NAA25: variants seen among roughly 807,000 people sequenced by gnomAD.
NAA25 encodes N-terminal acetyltransferase B complex subunit NAA25.
A neutral mutation model predicts 132.5 loss-of-function variants in NAA25; 30 were observed. The ratio of observed to expected loss-of-function variants is 0.23; its 90% confidence interval spans 0.17 to 0.31. NAA25 has a LOEUF of 0.31. NAA25 is among the 10% of genes least tolerant of loss of function. NAA25 has a pLI of 1.00. For synonymous variants in NAA25, 359 were observed against 401.9 expected (o/e 0.89, Z 1.28); for missense variants, 771 against 1,150.4 (o/e 0.67, Z 4.77).
At chr12:112,047,561 C>G (rs2078406401) in intron 17 of NAA25, 104 bp downstream of exon 17, 6 of 1,360,152 alleles carry the variant, frequency 4.4e-6, no homozygotes, top group Non-Finnish European at 6.0e-6. Flanking sequence ...TAAACTGCTT[C>G]ACCCAGGAGT....
intron 1 of NAA25, among the ~76,000 whole-genome samples, chr12:112,100,930 C>T (rs1182823365): frequency 1.3e-5 from 2 of 152,084 alleles, no homozygotes; most frequent in Non-Finnish European, 2.9e-5. Context: ...ATTCCACTGT[C>T]TTTAAAACAA....
chr12:112,090,133 G>A lies in NAA25; in HGVS notation c.283+593C>T, dbSNP rs556928014. Among the ~76,000 whole-genome samples the A allele has an allele frequency of 3.9e-5, 6 of 152,038 alleles. No individual in the cohort carries two copies. The South Asian group carries it at 8.3e-4, about 21-fold the overall frequency. On this transcript the variant is annotated intron_variant, in intron 3 of 23. Coordinates refer to ENST00000261745, the MANE Select transcript of NAA25 (RefSeq NM_024953.4). Reference sequence around the variant, plus strand: ...AGTTTTAGCCACTACGCCTGGCAACGCTCCATTTCTTAAATTAGGTGGTAG... The same window carrying A: ...AGTTTTAGCCACTACGCCTGGCAACACTCCATTTCTTAAATTAGGTGGTAG...
At chr12:112,038,317 A>G (rs1334502873) in intron 22 of NAA25, among the ~76,000 whole-genome samples, 1 of 152,134 alleles carries the variant, frequency 6.6e-6, no homozygotes, top group African/African-American at 2.4e-5. Flanking sequence ...TCCGGCCTGA[A>G]TATGGACTTT....
intron 20 of NAA25, among the ~76,000 whole-genome samples, chr12:112,041,177 G>A (rs1050541359): frequency 6.7e-6 from 1 of 150,020 alleles, no homozygotes; most frequent in Non-Finnish European, 1.5e-5. Flanking sequence ...ATCATTTAGG[G>A]TCCTAAAAAG....
intron 11 of NAA25, among the ~76,000 whole-genome samples, chr12:112,061,751 GAGC>G (rs1270157355): frequency 2.0e-5 from 3 of 151,982 alleles, no homozygotes; most frequent in Non-Finnish European, 4.4e-5. Context: ...CTATAGAAAA[GAGC>G]AGATTACCAA....
intron 1 of NAA25, among the ~76,000 whole-genome samples, chr12:112,095,476 C>T (rs2079199265): frequency 6.6e-6 from 1 of 151,106 alleles, no homozygotes; most frequent in Non-Finnish European, 1.5e-5. Flanking sequence ...GGTACGGTGG[C>T]GCATGCCTAT....
At chr12:112,095,163 C>T (rs1283314895) in intron 1 of NAA25, among the ~76,000 whole-genome samples, 1 of 151,794 alleles carries the variant, frequency 6.6e-6, no homozygotes, top group African/African-American at 2.4e-5. Context: ...TTTGGCCAGG[C>T]GCGGTGGTTC....
chr12:112,103,741 C>T (rs774488677), intron 1 of NAA25, among the ~76,000 whole-genome samples: 12 of 152,048 alleles, frequency 7.9e-5, no homozygotes, highest in Non-Finnish European at 1.5e-4. Flanking sequence ...CACTAGGGAC[C>T]GATTTCATGA....
At position 112,067,851 on chromosome 12, in the gene NAA25, T is replaced by G. The variant is rs534710783; in HGVS notation, c.1149+1029A>C. Among the ~76,000 whole-genome samples, 8 of 152,252 alleles carry G rather than the reference T, an allele frequency of 5.3e-5. No individual in the cohort carries two copies. The South Asian group carries it at 1.7e-3, about 32-fold the overall frequency. On this transcript the variant is annotated intron_variant, in intron 11 of 23. Transcript: ENST00000261745. ...TCTGGGATCAAGCAATTCTCCTGCC[T>G]CAGCCTCCCAAGTAGCTGGGTCTAC...
At position 112,088,317 on chromosome 12, in the gene NAA25, GTTTTT is replaced by G. The variant is rs1025838850; in HGVS notation, c.284-521_284-517del. Among the ~76,000 whole-genome samples the G allele has an allele frequency of 1.9e-4, 14 of 75,598 alleles. No individual in the cohort carries two copies. The South Asian group carries it at 2.0e-3, about 11-fold the overall frequency. The allele number at this position is 75,598 out of a possible 152,430, so 49.6% of individuals were successfully genotyped here. A position where few individuals can be genotyped will look rare whatever the true frequency, so the allele number is the denominator to read the frequency against. ...ATCTTATATAAGTAAGTATATTGTA[GTTTTT>G]TTTTTTTTTTTTTTTTTTTTTGGAG... On this transcript the variant is annotated intron_variant, in intron 3 of 23. Transcript: ENST00000261745.
At chr12:112,070,078 A>G (rs2078782932) in intron 10 of NAA25, among the ~76,000 whole-genome samples, 1 of 152,144 alleles carries the variant, frequency 6.6e-6, no homozygotes, top group Non-Finnish European at 1.5e-5. Context: ...CAGTGAGTGG[A>G]GACTACACCA....
At chr12:112,090,048 C>T in intron 3 of NAA25, among the ~76,000 whole-genome samples, 1 of 146,796 alleles carries the variant, frequency 6.8e-6, no homozygotes, top group African/African-American at 2.5e-5. Context: ...GCCGGGCTGT[C>T]TCTAACTCCT....
chr12:112,050,839 A>G (rs1233744661), intron 15 of NAA25, among the ~76,000 whole-genome samples: 1 of 152,244 alleles, frequency 6.6e-6, no homozygotes, highest in Non-Finnish European at 1.5e-5. Context: ...TTCTAGAAAG[A>G]AAATCCCTAT....
At chr12:112,048,881 C>T (rs547698514) in intron 15 of NAA25, among the ~76,000 whole-genome samples, 1 of 152,092 alleles carries the variant, frequency 6.6e-6, no homozygotes, top group East Asian at 1.9e-4. Flanking sequence ...CCCGCCCCCC[C>T]AAATAAAAAC....
At chr12:112,076,409 G>A (rs2078896320) in intron 7 of NAA25, among the ~76,000 whole-genome samples, 1 of 151,862 alleles carries the variant, frequency 6.6e-6, no homozygotes. Flanking sequence ...CAGCATCTAG[G>A]GACTAGTAAA....
intron 20 of NAA25, 33 bp from the exon 21 acceptor site, chr12:112,040,611 C>T: frequency 8.1e-7 from 1 of 1,231,814 alleles, no homozygotes; most frequent in East Asian, 2.4e-5. Flanking sequence ...TTTTATTCAG[C>T]TTTTGTTTCA....
chr12:112,087,030 A>T (rs1247635113), intron 4 of NAA25, among the ~76,000 whole-genome samples: 1 of 147,486 alleles, frequency 6.8e-6, no homozygotes, highest in African/African-American at 2.5e-5. Flanking sequence ...AAAAAAAAAA[A>T]TACTAGCTTA....
chr12:112,045,860 T>A (rs2078373583), intron 17 of NAA25, among the ~76,000 whole-genome samples: 1 of 152,068 alleles, frequency 6.6e-6, no homozygotes, highest in Admixed American at 6.6e-5. Context: ...TTGGTTACAG[T>A]ATGCAACAGA....
chr12:112,107,556 T>C (rs760232420), intron 1 of NAA25, among the ~76,000 whole-genome samples: 2 of 149,610 alleles, frequency 1.3e-5, no homozygotes, highest in African/African-American at 2.5e-5. Context: ...TAAAATCAAA[T>C]GAGATGTGAG....
Sources: gnomAD v4.1 joint callset for allele counts (sites outside exome capture counted in the v4.1 genomes callset) on GRCh38, gnomAD v4.1.1 for gene constraint, MANE v1.5 for transcripts, NCBI Gene and HGNC (gene_info 2026-07-23, HGNC 2026-07-21) for gene names.